NHSL1: variants seen among roughly 807,000 people sequenced by gnomAD.
NHSL1 encodes NHS-like protein 1.
A neutral mutation model predicts 95.0 loss-of-function variants in NHSL1; 48 were observed. The ratio of observed to expected loss-of-function variants is 0.51; its 90% CI spans 0.40 to 0.64. NHSL1 has a LOEUF of 0.64. Ranked by LOEUF, NHSL1 falls within the 30% of genes least tolerant of loss-of-function variation. The pLI is 0.00. For missense variants in NHSL1, 1,971 were observed against 2,077.7 expected (o/e 0.95, Z 1.00); for synonymous variants, 783 against 833.9 (o/e 0.94, Z 1.05).
exon 1 of NHSL1, chr6:138,571,790 C>T: frequency 6.4e-7 from 1 of 1,552,344 alleles, no homozygotes. Context: ...CTCTCCATCA[C>T]TGCGAAACAG....
intron 1 of NHSL1, among the ~76,000 whole-genome samples, chr6:138,588,234 G>A (rs986608606): frequency 2.4e-4 from 36 of 152,308 alleles, no homozygotes; most frequent in African/African-American, 7.9e-4. Flanking sequence ...AAGCCCAGGC[G>A]GGCAGATCAC....
chr6:138,664,629 C>T (rs963707506), intron 1 of NHSL1, among the ~76,000 whole-genome samples: 9 of 152,096 alleles, frequency 5.9e-5, no homozygotes, highest in East Asian at 1.9e-4. Flanking sequence ...CAAGGTCTTC[C>T]GGAGAAACAG....
At chr6:138,502,163 ATCCAGATC>A, upstream of NHSL1, among the ~76,000 whole-genome samples, 1 of 152,292 alleles carries the variant, frequency 6.6e-6, no homozygotes, top group East Asian at 1.9e-4. Flanking sequence ...ACACCATAAA[ATCCAGATC>A]TCCAGGAAAT....
intron 1 of NHSL1, among the ~76,000 whole-genome samples, chr6:138,673,622 G>A (rs542756645): frequency 2.6e-5 from 4 of 152,072 alleles, no homozygotes; most frequent in East Asian, 3.9e-4. Flanking sequence ...TTTGGAAATC[G>A]AACTTGAAAG....
At chr6:138,438,601 G>A (rs1776335044) in intron 5 of NHSL1, among the ~76,000 whole-genome samples, 1 of 151,938 alleles carries the variant, frequency 6.6e-6, no homozygotes, top group Non-Finnish European at 1.5e-5. Context: ...CAAACTTGAT[G>A]GGATTTATCT....
At chr6:138,459,281 C>T (rs1435293977) in intron 3 of NHSL1, among the ~76,000 whole-genome samples, 4 of 152,196 alleles carry the variant, frequency 2.6e-5, no homozygotes, top group African/African-American at 9.7e-5. Context: ...AGTCCCACGC[C>T]TGACCATATA....
chr6:138,675,680 G>T (rs1328964844), intron 1 of NHSL1, among the ~76,000 whole-genome samples: 3 of 151,944 alleles, frequency 2.0e-5, no homozygotes, highest in African/African-American at 7.3e-5. Flanking sequence ...GATTACAGGC[G>T]CATGTCCCCA....
chr6:138,606,373 C>T (rs182511967), intron 1 of NHSL1, among the ~76,000 whole-genome samples: 4 of 152,346 alleles, frequency 2.6e-5, no homozygotes, highest in East Asian at 1.9e-4. Context: ...CTAAGCCCCA[C>T]GGCATCCATG....
At chr6:138,551,331 T>G (rs1330336141) in intron 1 of NHSL1, among the ~76,000 whole-genome samples, 2 of 152,184 alleles carry the variant, frequency 1.3e-5, no homozygotes, top group Non-Finnish European at 2.9e-5. Context: ...TAGACATGCT[T>G]TTAAAGCATG....
At chr6:138,643,211 C>T (rs920819991) in intron 1 of NHSL1, among the ~76,000 whole-genome samples, 4 of 152,186 alleles carry the variant, frequency 2.6e-5, no homozygotes, top group Non-Finnish European at 1.5e-5. Flanking sequence ...CTGTAGGTAT[C>T]GTTAGTTCCT....
At chr6:138,685,153 A>G (rs1785569563) in intron 1 of NHSL1, among the ~76,000 whole-genome samples, 1 of 152,188 alleles carries the variant, frequency 6.6e-6, no homozygotes, top group Non-Finnish European at 1.5e-5. Context: ...TAAAATATAT[A>G]CAGCTAAAAT....
At chr6:138,437,442 AC>A (rs1391155573) in intron 5 of NHSL1, among the ~76,000 whole-genome samples, 18,136 of 51,894 alleles carry the variant, frequency 0.35, 5,120 homozygotes, top group East Asian at 0.47. Flanking sequence ...ACACACACAC[AC>A]ACAAAAAAAA....
intron 7 of NHSL1, 101 bp downstream of exon 7, chr6:138,429,610 G>T: frequency 9.4e-7 from 1 of 1,063,268 alleles, no homozygotes; most frequent in Middle Eastern, 2.1e-4. Context: ...GTTATGATTG[G>T]GTGACAGAAG....
intron 1 of NHSL1, among the ~76,000 whole-genome samples, chr6:138,663,641 G>A (rs1336909043): frequency 1.3e-5 from 2 of 151,194 alleles, no homozygotes; most frequent in African/African-American, 4.9e-5. Context: ...AGGCTGAGGC[G>A]GGTGGATCAT....
intron 1 of NHSL1, among the ~76,000 whole-genome samples, chr6:138,638,502 A>C (rs1213875220): frequency 6.6e-6 from 1 of 152,242 alleles, no homozygotes; most frequent in Non-Finnish European, 1.5e-5. Context: ...AATTAAAAAG[A>C]TACCTGCAAT....
chr6:138,427,307 G>A (rs1361631503), intron 7 of NHSL1, among the ~76,000 whole-genome samples: 1 of 152,150 alleles, frequency 6.6e-6, no homozygotes, highest in African/African-American at 2.4e-5. Context: ...GGGCATGGTG[G>A]CACACGCCTA....
chr6:138,611,009 T>C (rs1784505286), intron 1 of NHSL1, among the ~76,000 whole-genome samples: 1 of 150,810 alleles, frequency 6.6e-6, no homozygotes, highest in South Asian at 2.1e-4. Context: ...ACTCAGAAGG[T>C]GGAGGTTGCA....
chr6:138,604,505 A>G (rs1562388914), intron 1 of NHSL1, among the ~76,000 whole-genome samples: 3 of 152,232 alleles, frequency 2.0e-5, no homozygotes, highest in African/African-American at 7.2e-5. Context: ...ACCTCTTACA[A>G]TAAGGCACAG....
rs560077635 is a variant in NHSL1 at position 138,428,277 on chromosome 6, T to C, written c.4085+1434A>G. Among the ~76,000 whole-genome samples the C allele has an allele frequency of 9.2e-5, 14 of 152,384 alleles. No homozygotes were observed. The South Asian group carries it at 2.7e-3, about 29-fold the overall frequency. On this transcript the variant is annotated intron_variant, in intron 7 of 7. Coordinates refer to ENST00000343505, the MANE Select transcript of NHSL1 (RefSeq NM_001144060.2). ...ATACTAAATGAAATACTCTGAGTCT[T>C]GGAAGAATCTTCTAATGGTTAAATA... is the stretch of plus-strand genomic sequence containing the variant.
Sources: allele counts gnomAD v4.1 joint callset (sites outside exome capture counted in the v4.1 genomes callset), GRCh38; gene constraint gnomAD v4.1.1; transcripts MANE v1.5; gene names NCBI Gene and HGNC (gene_info 2026-07-23, HGNC 2026-07-21).